Variants in GUCY1A2 observed in about 807,000 individuals in gnomAD.
GUCY1A2 encodes the protein guanylate cyclase 1 soluble subunit alpha 2, also known as guanylate cyclase soluble subunit alpha-2.
In GUCY1A2, 27 loss-of-function variants were observed where a neutral mutation model predicts 63.5. That is an observed-to-expected ratio of 0.43 (90% CI 0.31 to 0.59). GUCY1A2 has a LOEUF of 0.59. Among genes scored for constraint, GUCY1A2 ranks in the 20% least tolerant of loss-of-function variants. GUCY1A2 has a pLI of 0.11. For missense variants in GUCY1A2, 768 were observed against 913.3 expected, an observed-to-expected ratio of 0.84 and a Z score of 2.05; for synonymous variants, 364 against 343.5, an observed-to-expected ratio of 1.06 and a Z score of -0.66.
chr11:106,986,152 TA>T, intron 1 of GUCY1A2, 21 bp from the exon 2 acceptor site: 2 of 1,215,724 alleles, frequency 1.6e-6, no homozygotes, highest in South Asian at 2.4e-5. Context: ...ATAATAATAA[TA>T]AAAACATATT....
At chr11:106,709,807 G>T (rs368533474) in intron 6 of GUCY1A2, among the ~76,000 whole-genome samples, 1 of 119,874 alleles carries the variant, frequency 8.3e-6, no homozygotes, top group East Asian at 2.6e-4. Context: ...TACACGTATA[G>T]AATATATAGT....
intron 4 of GUCY1A2, chr11:106,824,063 C>G: frequency 6.8e-7 from 1 of 1,466,764 alleles, no homozygotes. Context: ...GAGAAGACTA[C>G]AGTTTTACAG....
rs968502847 is a variant in GUCY1A2 at position 106,782,977 on chromosome 11, A to C, written c.1693-6395T>G. 3.3e-5 allele frequency among the ~76,000 whole-genome samples: 5 copies of C among 152,200 alleles called. No homozygotes were observed. The South Asian group carries it at 8.3e-4, about 25-fold the overall frequency. ...AACTCTTAACCAAAGATGAAAATCT[A>C]CGTGATTGTGGTCAAGCAAAGGTAT... On this transcript the variant is annotated intron_variant, in intron 5 of 7. Coordinates refer to ENST00000526355, the MANE Select transcript of GUCY1A2 (RefSeq NM_000855.3).
intron 4 of GUCY1A2, among the ~76,000 whole-genome samples, chr11:106,825,323 T>C (rs996172509): frequency 2.0e-5 from 3 of 152,050 alleles, no homozygotes; most frequent in African/African-American, 7.2e-5. Context: ...AGAGGCTCAA[T>C]GAGTGATACT....
chr11:106,888,422 T>G (rs752092570), intron 4 of GUCY1A2, among the ~76,000 whole-genome samples: 28 of 151,626 alleles, frequency 1.8e-4, no homozygotes, highest in Non-Finnish European at 1.8e-4. Flanking sequence ...CCGAGATCAC[T>G]CCACTGCACT....
rs1862450118 is a variant in GUCY1A2 at position 106,682,569 on chromosome 11, A to G, written c.*4980T>C. 4.7e-6 allele frequency: 1 copy of G among 212,642 alleles called. No homozygotes were observed. Among genetic ancestry groups the G allele is most frequent in the Non-Finnish European group, 9.5e-6 (1 of 104,984 alleles). 13.2% of individuals were successfully genotyped at this position (212,642 alleles called of 1,614,324 possible). Reference sequence around the variant, plus strand: ...GGATGGGATGGCAATGAGGTACTTAACTGAAACCGTGATCTGGTTATAACA... The same window carrying G: ...GGATGGGATGGCAATGAGGTACTTAGCTGAAACCGTGATCTGGTTATAACA... On this transcript the variant is annotated 3_prime_UTR_variant, in exon 8 of 8. Coordinates refer to ENST00000526355, the MANE Select transcript of GUCY1A2 (RefSeq NM_000855.3).
chr11:106,898,122 A>T (rs1045594223), intron 4 of GUCY1A2, among the ~76,000 whole-genome samples: 1 of 152,188 alleles, frequency 6.6e-6, no homozygotes, highest in African/African-American at 2.4e-5. Flanking sequence ...CATCAGGGAA[A>T]AATGCAGATT....
chr11:106,761,004 A>G (rs977191165), intron 6 of GUCY1A2, among the ~76,000 whole-genome samples: 3 of 152,170 alleles, frequency 2.0e-5, no homozygotes, highest in Non-Finnish European at 4.4e-5. Flanking sequence ...AGATTTGTGC[A>G]ATTTTCCACC....
chr11:106,988,492 T>C (rs776873600), intron 1 of GUCY1A2, among the ~76,000 whole-genome samples: 9 of 151,676 alleles, frequency 5.9e-5, no homozygotes, highest in Non-Finnish European at 1.3e-4. Flanking sequence ...GTACCAGGAA[T>C]TTCCCAGTCA....
At chr11:106,893,883 T>C (rs1860009360) in intron 4 of GUCY1A2, among the ~76,000 whole-genome samples, 1 of 152,166 alleles carries the variant, frequency 6.6e-6, no homozygotes, top group African/African-American at 2.4e-5. Context: ...TCCCGGAGAC[T>C]GCACACTTTT....
Position 106,882,500 on chromosome 11 carries a change from T to A in GUCY1A2, c.1206+56960A>T, listed in dbSNP as rs76569785. ...GAGAGAAGAAAGAGGAAAAAAAGTT[T>A]GAACAATCATGAACCGTTTTCTAAT... On this transcript the variant is annotated intron_variant, in intron 4 of 7. Transcript: ENST00000526355. Among the ~76,000 whole-genome samples, 1,348 of 152,086 alleles carry A rather than the reference T, an allele frequency of 8.9e-3. 17 individuals are homozygous for A. Among genetic ancestry groups the A allele is most frequent in the African/African-American group, 0.031 (1,286 of 41,526 alleles).
chr11:106,885,705 T>C (rs1271059327), intron 4 of GUCY1A2, among the ~76,000 whole-genome samples: 1 of 152,194 alleles, frequency 6.6e-6, no homozygotes, highest in Non-Finnish European at 1.5e-5. Flanking sequence ...AAAAGTGTTA[T>C]ATAGATTATA....
At chr11:106,897,350 T>TA (rs1425343874) in intron 4 of GUCY1A2, among the ~76,000 whole-genome samples, 1 of 152,210 alleles carries the variant, frequency 6.6e-6, no homozygotes, top group East Asian at 1.9e-4. Flanking sequence ...AACTGATTCT[T>TA]ACGTTTACAT....
chr11:106,967,229 T>C (rs1861137508), intron 3 of GUCY1A2, among the ~76,000 whole-genome samples: 1 of 152,198 alleles, frequency 6.6e-6, no homozygotes, highest in Admixed American at 6.5e-5. Flanking sequence ...GACTCTGCTT[T>C]ATGAAAGCTC....
chr11:106,997,168 C>T (rs1861550389), intron 1 of GUCY1A2, among the ~76,000 whole-genome samples: 1 of 152,062 alleles, frequency 6.6e-6, no homozygotes, highest in African/African-American at 2.4e-5. Context: ...TGCCAAGATA[C>T]ATGGATGTAT....
intron 6 of GUCY1A2, among the ~76,000 whole-genome samples, chr11:106,751,657 A>C (rs1280732268): frequency 2.6e-5 from 4 of 152,096 alleles, no homozygotes; most frequent in African/African-American, 9.7e-5. Context: ...AAATAAAATA[A>C]ACTTTCATAT....
chr11:106,788,506 T>C (rs768723691), intron 5 of GUCY1A2, among the ~76,000 whole-genome samples: 4 of 152,196 alleles, frequency 2.6e-5, no homozygotes, highest in Non-Finnish European at 5.9e-5. Flanking sequence ...CTTTTAGTGG[T>C]TTCATAGTTT....
intron 4 of GUCY1A2, among the ~76,000 whole-genome samples, chr11:106,931,334 C>T (rs1860598522): frequency 6.6e-6 from 1 of 152,116 alleles, no homozygotes; most frequent in South Asian, 2.1e-4. Context: ...ATTAGGAAGG[C>T]TATGATGAAA....
At chr11:107,001,159 C>A (rs1861607464) in intron 1 of GUCY1A2, among the ~76,000 whole-genome samples, 1 of 152,168 alleles carries the variant, frequency 6.6e-6, no homozygotes, top group Non-Finnish European at 1.5e-5. Flanking sequence ...TCTGAAATTT[C>A]ATTCCTGAAA....
Sources: allele counts gnomAD v4.1 joint callset (sites outside exome capture counted in the v4.1 genomes callset), GRCh38; gene constraint gnomAD v4.1.1; transcripts MANE v1.5; gene names NCBI Gene and HGNC (gene_info 2026-07-23, HGNC 2026-07-21).